INTS1: variants seen among roughly 807,000 people sequenced by gnomAD.
INTS1 encodes the protein integrator complex subunit 1.
Under a neutral mutation model 241.6 loss-of-function variants are expected in INTS1, and 137 were observed. That is an observed-to-expected ratio of 0.57 (90% confidence interval 0.49 to 0.65). The LOEUF is 0.65. INTS1 is among the 30% of genes least tolerant of loss of function. The pLI, the probability that INTS1 is intolerant of heterozygous loss-of-function variation, is 0.00. For synonymous variants in INTS1, 1,692 were observed against 1,337.8 expected (o/e 1.26, Z -5.78); for missense variants, 3,073 against 3,032.2 (o/e 1.01, Z -0.32).
rs768213876 is a variant in INTS1, at chr7:1,481,508, G to A, written c.3704-20C>T. 9.6e-5 allele frequency: 152 copies of A among 1,590,240 alleles called. No homozygotes were observed. The highest frequency in any genetic ancestry group is 1.1e-4 in the Non-Finnish European group (132 of 1,168,130). Reference sequence around the variant, plus strand: ...GCAGGGCTGAGGGTGCACGCGCTCCGTAACGCCACCCAAAACCCGGGCAAT... The same window carrying A: ...GCAGGGCTGAGGGTGCACGCGCTCCATAACGCCACCCAAAACCCGGGCAAT... On this transcript the variant is annotated intron_variant, in intron 27 of 47. Transcript: ENST00000404767. The surrounding 1 kb of genome is among the most constrained non-coding windows in gnomAD (Gnocchi z 6.8).
In INTS1 at chr7:1,492,933, C is replaced by T. The variant is rs111378314; in HGVS notation, c.2165+77G>A. On this transcript the variant is annotated intron_variant, in intron 16 of 47. Transcript: ENST00000404767. ...CCGGGCGGGAGTGGGGAGCGGGGCGCGGGCTTACCCGGGTGGGAGTGGGGA... is the reference window on the plus strand; with the variant it reads ...CCGGGCGGGAGTGGGGAGCGGGGCGTGGGCTTACCCGGGTGGGAGTGGGGA... The T allele has an allele frequency of 9.1e-5, 88 of 965,488 alleles. 3 individuals carry two copies. The East Asian group carries it at 1.5e-3, about 16-fold the overall frequency. The allele number at this position is 965,488 out of a possible 1,614,324, so 59.8% of individuals were successfully genotyped here. A position where few individuals can be genotyped will look rare whatever the true frequency, so the allele number is the denominator to read the frequency against.
intron 10 of INTS1, 96 bp downstream of exon 10, chr7:1,498,316 C>T (rs763705652): frequency 4.6e-6 from 7 of 1,529,596 alleles, no homozygotes; most frequent in Non-Finnish European, 6.2e-6. Context: ...CCACGAAGCA[C>T]TGCCAATCCA....
chr7:1,470,538 G>A lies in INTS1; in HGVS notation c.*39C>T, dbSNP rs759061899. 6.9e-7 allele frequency: 1 copy of A among 1,448,160 alleles called. No individual in the cohort carries two copies. Among genetic ancestry groups the A allele is most frequent in the South Asian group, 1.3e-5 (1 of 79,902 alleles). The allele number at this position is 1,448,160 out of a possible 1,614,324, so 89.7% of individuals were successfully genotyped here. On this transcript the variant is annotated 3_prime_UTR_variant, in exon 48 of 48. Coordinates refer to ENST00000404767, the MANE Select transcript of INTS1 (RefSeq NM_001080453.3). ...TTGCCTCGAGGATCCCCGGGGACGG[G>A]ACGGGCCGGGGCTTGGAGGGGGGTC...
At chr7:1,482,321 G>GT in intron 27 of INTS1, 1 of 434,750 alleles carries the variant, frequency 2.3e-6, no homozygotes. Context: ...GAGCCTGACA[G>GT]TAAGACCCTC....
At position 1,487,105 on chromosome 7, in the gene INTS1, G is replaced by A; in HGVS notation, c.2647-4C>T. On this transcript the variant is annotated splice_region_variant and splice_polypyrimidine_tract_variant and intron_variant, in intron 20 of 47. Transcript: ENST00000404767. ...AGGGCATGGACTGCGAGGAGGCCTG[G>A]GCAGGCGACAGTGGCGCCCGCTCAG... 6.5e-7 allele frequency: 1 copy of A among 1,543,514 alleles called. No individual in the cohort carries two copies. Among genetic ancestry groups the A allele is most frequent in the Non-Finnish European group, 8.7e-7 (1 of 1,148,076 alleles).
chr7:1,494,636 G>A (rs995334671), intron 14 of INTS1, 180 bp downstream of exon 14: 14 of 663,700 alleles, frequency 2.1e-5, no homozygotes, highest in South Asian at 7.0e-5. Flanking sequence ...GTGGCGCTGG[G>A]ACGCCAGCAT....
chr7:1,470,485 G>C lies in INTS1; in HGVS notation c.*92C>G, dbSNP rs1289039600. The C allele has an allele frequency of 2.9e-6, 3 of 1,023,752 alleles. No homozygotes were observed. The highest frequency in any genetic ancestry group is 2.7e-5 in the East Asian group (1 of 37,554). 63.4% of individuals were successfully genotyped at this position (1,023,752 alleles called of 1,614,324 possible). A position where few individuals can be genotyped will look rare whatever the true frequency, so the allele number is the denominator to read the frequency against. The stretch of plus-strand genomic sequence containing the variant: ...CTCGGCGCCCTCACCTCCTCGGACA[G>C]ACCAGCAACGCCCACGCTTCCTGGG... On this transcript the variant is annotated 3_prime_UTR_variant, in exon 48 of 48. Coordinates refer to ENST00000404767, the MANE Select transcript of INTS1 (RefSeq NM_001080453.3).
chr7:1,499,861 C>T, intron 5 of INTS1, 23 bp downstream of exon 5: 1 of 1,604,044 alleles, frequency 6.2e-7, no homozygotes, highest in Non-Finnish European at 8.5e-7. Flanking sequence ...GCCATCTTCA[C>T]CGTCCCGGGA....
chr7:1,489,565 G>C (rs4425657), intron 17 of INTS1, 26 bp downstream of exon 17: 8 of 1,547,118 alleles, frequency 5.2e-6, no homozygotes, highest in Non-Finnish European at 7.0e-6. Flanking sequence ...CCACGTGTGC[G>C]CATGGGGCGG....
At position 1,483,809 on chromosome 7, in the gene INTS1, C is replaced by CG; in HGVS notation, c.3473_3474insC (p.Glu1158AspfsTer60). ...CCACGAGGATGTGCATGGTGGCTGT[C>CG]TCCCCGCTGCTCCAGCGTAGGAAGA... On this transcript the variant is annotated frameshift_variant, in exon 26 of 48. Transcript: ENST00000404767. LOFTEE classifies it high-confidence loss of function. The CG allele has an allele frequency of 6.2e-7, 1 of 1,612,572 alleles. No individual in the cohort carries two copies. Among genetic ancestry groups the CG allele is most frequent in the Non-Finnish European group, 8.5e-7 (1 of 1,179,660 alleles).
Position 1,476,084 on chromosome 7 carries a change from G to A in INTS1, c.5379-13C>T, listed in dbSNP as rs187622433. The A allele has an allele frequency of 7.2e-6, 11 of 1,536,384 alleles. No individual in the cohort carries two copies. Among genetic ancestry groups the A allele is most frequent in the East Asian group, 2.5e-5 (1 of 40,712 alleles). On this transcript the variant is annotated splice_polypyrimidine_tract_variant and intron_variant, in intron 38 of 47. Coordinates refer to ENST00000404767, the MANE Select transcript of INTS1 (RefSeq NM_001080453.3). ...CCTGCCCAGCACGCTGGAAGAGGTG[G>A]AGCAGGGCTCACCAGGCGGACGGGG...
In INTS1 at chr7:1,496,162, T is replaced by C. The variant is rs776185829; in HGVS notation, c.1705A>G (p.Lys569Glu). 2 of 1,613,634 alleles carry C rather than the reference T, an allele frequency of 1.2e-6. No individual in the cohort carries two copies. The highest frequency in any genetic ancestry group is 1.7e-6 in the Non-Finnish European group (2 of 1,179,630). ...EAGIAWDKGE[K>E]RNLEVLRSFQ... Reference sequence around the variant, plus strand: ...GCCACCCCCACATCCTTACTCCTCTTTTCTCCTTTGTCCCAGGCGATGCCG... The same window carrying C: ...GCCACCCCCACATCCTTACTCCTCTCTTCTCCTTTGTCCCAGGCGATGCCG... The change falls in exon 12 of 48, where the codon AAG becomes GAG. Residue 569 changes from lysine (K) to glutamate (E), a missense_variant. Transcript: ENST00000404767.
chr7:1,484,810 G>A (rs1782173102), intron 24 of INTS1, among the ~76,000 whole-genome samples: 1 of 152,164 alleles, frequency 6.6e-6, no homozygotes, highest in South Asian at 2.1e-4. Flanking sequence ...TGGCCACGGG[G>A]TCATAGAAGC....
Position 1,473,118 on chromosome 7 carries a change from G to A in INTS1, c.6024C>T (p.Pro2008=), listed in dbSNP as rs746104673. ...LKSLLAGLSL[P]SRDDRTDRGL... ...CTCGGTCGGTCCTGTCGTCCCTGCT[G>A]GGCAGGCTGAGCCCTGCAAGGAGGG... The change falls in exon 43 of 48, where the codon CCC becomes CCT. Residue 2008 remains proline, a synonymous_variant. Transcript: ENST00000404767. The A allele has an allele frequency of 9.3e-6, 15 of 1,611,948 alleles. No homozygotes were observed. Among genetic ancestry groups the A allele is most frequent in the Non-Finnish European group, 1.2e-5 (14 of 1,179,386 alleles).
In INTS1 at chr7:1,476,043, G is replaced by A. The variant is rs1488678705; in HGVS notation, c.5407C>T (p.Leu1803Phe). 1.3e-6 allele frequency: 2 copies of A among 1,545,162 alleles called. No individual in the cohort carries two copies. Among genetic ancestry groups the A allele is most frequent in the Non-Finnish European group, 1.7e-6 (2 of 1,146,562 alleles). ...GGCCGCTGTAGGTAGAGCTGCAGGA[G>A]AAGGTCTCGGCAGCGCCTGCCCAGC... ...SVLGRRCRDL[L>F]LQLYLQRPEL... The change falls in exon 39 of 48, where the codon CTC becomes TTC. Residue 1803 changes from leucine (L) to phenylalanine (F), a missense_variant. Physicochemically the swap from Leu to Phe is conservative, Grantham distance 22. Coordinates refer to ENST00000404767, the MANE Select transcript of INTS1 (RefSeq NM_001080453.3).
In INTS1 at chr7:1,484,038, G is replaced by T. The variant is rs368910259; in HGVS notation, c.3394C>A (p.Arg1132=). 2 of 1,611,290 alleles carry T rather than the reference G, an allele frequency of 1.2e-6. No homozygotes were observed. The highest frequency in any genetic ancestry group is 4.5e-5 in the East Asian group (2 of 44,858). Residue 1132 remains arginine (R), a synonymous_variant, in exon 25 of 48, where the codon CGG becomes AGG. Transcript: ENST00000404767. ...SIFSRYVRRM[R]QSKEGEEVYS... ...ACCTCCTCGCCCTCCTTGCTCTGCC[G>T]CATGCGCCTCACGTAGCGTGAGAAG...
chr7:1,476,039 A>G lies in INTS1; in HGVS notation c.5411T>C (p.Leu1804Pro). ...VLGRRCRDLL[L>P]QLYLQRPELR... ...CTCCGGCCGCTGTAGGTAGAGCTGC[A>G]GGAGAAGGTCTCGGCAGCGCCTGCC... Residue 1804 changes from leucine (L) to proline (P), a missense_variant, in exon 39 of 48, where the codon CTG (leucine) becomes CCG (proline). Leu to Pro is a moderately conservative substitution (Grantham distance 98, BLOSUM62 -3). Coordinates refer to ENST00000404767, the MANE Select transcript of INTS1 (RefSeq NM_001080453.3). 6.5e-7 allele frequency: 1 copy of G among 1,545,566 alleles called. No homozygotes were observed. The highest frequency in any genetic ancestry group is 8.7e-7 in the Non-Finnish European group (1 of 1,146,558).
chr7:1,471,255 C>T, intron 45 of INTS1, 31 bp from the exon 46 acceptor site: 1 of 1,550,072 alleles, frequency 6.5e-7, no homozygotes, highest in Non-Finnish European at 8.7e-7. Flanking sequence ...AGGTGTGTGA[C>T]CAAGGGGTCC....
At chr7:1,471,259 G>T in intron 45 of INTS1, 35 bp from the exon 46 acceptor site, 4 of 1,547,812 alleles carry the variant, frequency 2.6e-6, no homozygotes, top group Non-Finnish European at 3.5e-6. Context: ...GTGTGACCAA[G>T]GGGTCCAGCC....
Sources: allele counts gnomAD v4.1 joint callset (sites outside exome capture counted in the v4.1 genomes callset), GRCh38; gene constraint gnomAD v4.1.1; non-coding constraint Gnocchi (gnomAD v3.1); transcripts MANE v1.5; gene names NCBI Gene and HGNC (gene_info 2026-07-23, HGNC 2026-07-21).